The following ITGB3BP variants were observed in gnomAD, a reference collection of about 807,000 sequenced individuals.
The protein encoded by ITGB3BP is integrin subunit beta 3 binding protein.
Under a neutral mutation model 29.1 loss-of-function variants are expected in ITGB3BP, and 27 were observed. That is an observed-to-expected ratio of 0.93 (90% confidence interval 0.68 to 1.28). The LOEUF (loss-of-function observed/expected upper bound fraction) is 1.28. Among genes scored for constraint, ITGB3BP ranks in the 50% most tolerant of loss-of-function variants. The pLI is 0.00. For synonymous variants in ITGB3BP, 61 were observed against 61.4 expected, an observed-to-expected ratio of 0.99 and a Z score of 0.03; for missense variants, 192 against 200.2, an observed-to-expected ratio of 0.96 and a Z score of 0.25.
At chr1:63,525,857 A>T, upstream of ITGB3BP, 3 of 804,122 alleles carry the variant, frequency 3.7e-6, no homozygotes. Flanking sequence ...GAATCATCCC[A>T]GTTTCTTAGT....
intron 4 of ITGB3BP, among the ~76,000 whole-genome samples, chr1:63,464,731 T>A (rs181101584): frequency 1.8e-3 from 271 of 152,338 alleles, no homozygotes; most frequent in Non-Finnish European, 3.0e-3. Flanking sequence ...AACATCACTG[T>A]AATCAAATGA....
chr1:63,475,796 G>C (rs1212389047), intron 4 of ITGB3BP, among the ~76,000 whole-genome samples: 1 of 151,854 alleles, frequency 6.6e-6, no homozygotes, highest in Non-Finnish European at 1.5e-5. Context: ...TCAGGAGTTC[G>C]AGACTAGTCT....
chr1:63,460,039 GT>G (rs1204009101), intron 4 of ITGB3BP, among the ~76,000 whole-genome samples: 1 of 151,416 alleles, frequency 6.6e-6, no homozygotes, highest in Non-Finnish European at 1.5e-5. Flanking sequence ...TCCCCCCCGT[GT>G]TTAGCTCTAT....
chr1:63,516,646 G>A (rs968750337), intron 1 of ITGB3BP, among the ~76,000 whole-genome samples: 5 of 148,190 alleles, frequency 3.4e-5, no homozygotes, highest in Non-Finnish European at 7.4e-5. Context: ...GGAGGTGAAG[G>A]TTGCAGTGAG....
chr1:63,507,353 T>C (rs1570306010), intron 2 of ITGB3BP, among the ~76,000 whole-genome samples: 1 of 152,200 alleles, frequency 6.6e-6, no homozygotes, highest in African/African-American at 2.4e-5. Context: ...CCTTGACACA[T>C]CTTCATCTGA....
chr1:63,448,235 C>T (rs530819149), intron 7 of ITGB3BP, among the ~76,000 whole-genome samples: 270 of 145,870 alleles, frequency 1.9e-3, no homozygotes, highest in African/African-American at 6.5e-3. Flanking sequence ...TGCTAAATGA[C>T]GAGTTAATGG....
chr1:63,510,016 C>T (rs1050273142), intron 1 of ITGB3BP: 1 of 504,798 alleles, frequency 2.0e-6, no homozygotes, highest in Admixed American at 3.1e-5. Context: ...TGGTGAAACC[C>T]TGTCTGTACT....
chr1:63,464,705 A>G (rs894244644), intron 4 of ITGB3BP, among the ~76,000 whole-genome samples: 8 of 152,208 alleles, frequency 5.3e-5, no homozygotes, highest in Non-Finnish European at 2.9e-5. Flanking sequence ...TACTTTTAAT[A>G]TAGATAAACC....
chr1:63,477,142 C>T (rs1001605094), intron 4 of ITGB3BP, among the ~76,000 whole-genome samples: 1 of 152,062 alleles, frequency 6.6e-6, no homozygotes, highest in Admixed American at 6.6e-5. Context: ...GAGGAGATGC[C>T]AAACAATGAG....
At chr1:63,444,983 A>G (rs1031272735) in intron 8 of ITGB3BP, among the ~76,000 whole-genome samples, 1 of 152,250 alleles carries the variant, frequency 6.6e-6, no homozygotes, top group East Asian at 1.9e-4. Flanking sequence ...CACTGCTGGC[A>G]CATAGAAATT....
At chr1:63,528,963 C>CA (rs144879638) in intron 2 of ITGB3BP, among the ~76,000 whole-genome samples, 23,311 of 148,802 alleles carry the variant, frequency 0.16, 2,194 homozygotes, top group South Asian at 0.22. Flanking sequence ...ATTTTAGAGG[C>CA]AAAAAAAAAA....
At chr1:63,464,536 T>C (rs986779893) in intron 4 of ITGB3BP, among the ~76,000 whole-genome samples, 3 of 152,282 alleles carry the variant, frequency 2.0e-5, no homozygotes, top group Non-Finnish European at 2.9e-5. Flanking sequence ...GGTCAACTAA[T>C]AAATATAGAT....
intron 2 of ITGB3BP, among the ~76,000 whole-genome samples, chr1:63,494,919 T>C (rs1645750590): frequency 1.3e-5 from 2 of 152,138 alleles, no homozygotes; most frequent in Middle Eastern, 3.2e-3. Flanking sequence ...CCTCCCACTT[T>C]ACCCACCTGA....
At chr1:63,458,610 A>G (rs989661978) in intron 4 of ITGB3BP, among the ~76,000 whole-genome samples, 12 of 152,008 alleles carry the variant, frequency 7.9e-5, no homozygotes, top group African/African-American at 1.4e-4. Flanking sequence ...GAAGAGTGAA[A>G]CCCTGTAAAA....
intron 2 of ITGB3BP, among the ~76,000 whole-genome samples, chr1:63,497,481 TA>T (rs1645816633): frequency 6.6e-6 from 1 of 152,154 alleles, no homozygotes; most frequent in South Asian, 2.1e-4. Flanking sequence ...TTACCTGCCG[TA>T]AAAGCACTAT....
At chr1:63,526,031 G>T (rs1222721876), upstream of ITGB3BP, among the ~76,000 whole-genome samples, 1 of 151,824 alleles carries the variant, frequency 6.6e-6, no homozygotes, top group East Asian at 1.9e-4. Flanking sequence ...TCTCATTTTG[G>T]TGCTTTAAGA....
intron 4 of ITGB3BP, among the ~76,000 whole-genome samples, chr1:63,475,362 C>T (rs1645317059): frequency 6.6e-6 from 1 of 152,048 alleles, no homozygotes; most frequent in East Asian, 1.9e-4. Context: ...GCAAGTTCAG[C>T]CTGGGCAACA....
rs1557663672 is a variant in ITGB3BP at position 63,523,168 on chromosome 1, A to G, written c.-35T>C. 5 of 1,613,678 alleles carry G rather than the reference A, an allele frequency of 3.1e-6. No homozygotes were observed. In the Admixed American group the frequency reaches 8.3e-5, roughly 27 times the overall value. On this transcript the variant is annotated 5_prime_UTR_variant, in exon 1 of 9. Transcript: ENST00000271002. Reference sequence around the variant, plus strand: ...CGGGAAAGCACCACTGCCGCTGAATAAAACGAACCCAGCAACTTCCGAAAA... The same window carrying G: ...CGGGAAAGCACCACTGCCGCTGAATGAAACGAACCCAGCAACTTCCGAAAA...
chr1:63,446,525 G>A (rs1320299257), intron 8 of ITGB3BP: 2 of 348,258 alleles, frequency 5.7e-6, no homozygotes, highest in Non-Finnish European at 1.1e-5. Context: ...CTTGATTAAG[G>A]ACCCTTTTAC....
Sources: gnomAD v4.1 joint callset for allele counts (sites outside exome capture counted in the v4.1 genomes callset) on GRCh38, gnomAD v4.1.1 for gene constraint, MANE v1.5 for transcripts, NCBI Gene and HGNC (gene_info 2026-07-23, HGNC 2026-07-21) for gene names.